The following CCDC39 variants were observed in gnomAD, a reference collection of about 807,000 sequenced individuals.
CCDC39 encodes the protein coiled-coil domain 39 molecular ruler complex subunit, also known as coiled-coil domain-containing protein 39.
Under a neutral mutation model 121.0 loss-of-function variants are expected in CCDC39, and 113 were observed. The observed-to-expected ratio is 0.93, with a 90% CI of 0.80 to 1.09. CCDC39 has a LOEUF of 1.09. Among genes scored for constraint, CCDC39 ranks in the 50% least tolerant of loss-of-function variants. CCDC39 has a pLI of 0.00. For missense variants in CCDC39, 1,063 were observed against 1,074.7 expected, an observed-to-expected ratio of 0.99 and a Z score of 0.15; for synonymous variants, 349 against 352.2, an observed-to-expected ratio of 0.99 and a Z score of 0.10.
At chr3:180,616,231 A>C (rs773667444) in intron 19 of CCDC39, 50 bp downstream of exon 19, 80 of 1,486,360 alleles carry the variant, frequency 5.4e-5, no homozygotes, top group Middle Eastern at 3.4e-4. Flanking sequence ...GGAATCACTT[A>C]GTGTACAGCT....
At chr3:180,627,796 G>T (rs1185648848) in intron 14 of CCDC39, among the ~76,000 whole-genome samples, 2 of 152,124 alleles carry the variant, frequency 1.3e-5, no homozygotes, top group Non-Finnish European at 2.9e-5. Context: ...CTTACTACAA[G>T]ACCAAAGACA....
chr3:180,644,140 T>C lies in CCDC39; in HGVS notation c.1645A>G (p.Lys549Glu), dbSNP rs1281193998. ...TGCACCTGCTTAAAACCTTTGGCTT[T>C]ATCAAGTTCTTTCTCTGATCTGTCG... ...FIDRSEKELD[K>E]AKGFKQDLMI... is the part of the protein sequence containing the mutation. The change falls in exon 12 of 20, where the codon AAA becomes GAA. Residue 549 changes from lysine to glutamate, a missense_variant. Physicochemically the swap from Lys to Glu is moderately conservative, Grantham distance 56. Coordinates refer to ENST00000476379, the MANE Select transcript of CCDC39 (RefSeq NM_181426.2). 11 of 1,545,750 alleles carry C rather than the reference T, an allele frequency of 7.1e-6. No homozygotes were observed. In the East Asian group the frequency reaches 2.7e-4, roughly 38 times the overall value.
intron 12 of CCDC39, among the ~76,000 whole-genome samples, chr3:180,642,640 A>G (rs1717982648): frequency 6.6e-6 from 1 of 150,504 alleles, no homozygotes; most frequent in Admixed American, 6.6e-5. Context: ...GAAACCCCAG[A>G]AAAAAACACT....
chr3:180,658,564 T>C (rs1220859594), intron 6 of CCDC39, among the ~76,000 whole-genome samples: 10 of 151,112 alleles, frequency 6.6e-5, no homozygotes, highest in African/African-American at 2.2e-4. Context: ...GTCACTGCAC[T>C]CCAGCCTTGG....
In CCDC39 at chr3:180,619,292, T is replaced by C; in HGVS notation, c.2232A>G (p.Gln744=). Residue 744 remains glutamine (Q), a synonymous_variant, in exon 16 of 20, where the codon CAA becomes CAG. Coordinates refer to ENST00000476379, the MANE Select transcript of CCDC39 (RefSeq NM_181426.2). ...RAVDEKYRYK[Q]RQIRELQEDI... ...CTTCTTGAAGTTCTCTGATTTGTCT[T>C]TGTTTGTATCTGTATTTTTCATCAA... 1 of 1,545,814 alleles carries C rather than the reference T, an allele frequency of 6.5e-7. No individual in the cohort carries two copies. The highest frequency in any genetic ancestry group is 2.0e-5 in the Admixed American group (1 of 50,980).
intron 1 of CCDC39, among the ~76,000 whole-genome samples, chr3:180,676,447 C>A (rs1299612122): frequency 6.6e-6 from 1 of 152,224 alleles, no homozygotes; most frequent in Non-Finnish European, 1.5e-5. Context: ...AATGAGATAT[C>A]ATCTCACACC....
At chr3:180,617,500 A>G (rs1199132640) in intron 16 of CCDC39, 5 of 673,276 alleles carry the variant, frequency 7.4e-6, no homozygotes, top group Non-Finnish European at 1.4e-5. Context: ...ACTGACCCTG[A>G]AGACCTTCAA....
chr3:180,667,039 G>GT (rs1007035004), intron 1 of CCDC39, among the ~76,000 whole-genome samples: 28 of 151,568 alleles, frequency 1.8e-4, no homozygotes, highest in African/African-American at 4.4e-4. Context: ...TACTTTCAGA[G>GT]TTTTTTTTTA....
At chr3:180,636,141 A>G (rs1404657054) in intron 13 of CCDC39, among the ~76,000 whole-genome samples, 2 of 152,196 alleles carry the variant, frequency 1.3e-5, no homozygotes, top group Non-Finnish European at 2.9e-5. Flanking sequence ...GAGCATCTAA[A>G]TAGGAAGAGA....
intron 8 of CCDC39, among the ~76,000 whole-genome samples, 189 bp downstream of exon 8, chr3:180,651,974 T>C (rs988877427): frequency 6.6e-6 from 1 of 151,896 alleles, no homozygotes; most frequent in African/African-American, 2.4e-5. Flanking sequence ...GAGGCGGAGC[T>C]TGCAGTGAGC....
intron 6 of CCDC39, 98 bp from the exon 7 acceptor site, chr3:180,655,051 T>C: frequency 2.7e-6 from 2 of 754,378 alleles, no homozygotes; most frequent in Non-Finnish European, 3.8e-6. Context: ...ATTTAGTACT[T>C]ATTTTACCAA....
chr3:180,630,022 C>T (rs114129958), intron 14 of CCDC39, among the ~76,000 whole-genome samples: 3 of 152,224 alleles, frequency 2.0e-5, no homozygotes, highest in Non-Finnish European at 4.4e-5. Context: ...TTTCTCCCAA[C>T]AAAAGTAACA....
chr3:180,621,210 A>G (rs1193696672), intron 14 of CCDC39, among the ~76,000 whole-genome samples: 2 of 152,154 alleles, frequency 1.3e-5, no homozygotes, highest in African/African-American at 4.8e-5. Flanking sequence ...TATTGTAAAC[A>G]GTGCTGCAAT....
chr3:180,660,611 T>G lies in CCDC39; in HGVS notation c.475A>C (p.Thr159Pro). Reference protein sequence around the residue: ...ESAHKDSDALTLQKYAQQDDN... With the variant: ...ESAHKDSDALPLQKYAQQDDN... Reference sequence around the variant, plus strand: ...TCTTGTTGTGCATACTTCTGGAGAGTGAGAGCATCACTATCTTTATGAGCT... The same window carrying G: ...TCTTGTTGTGCATACTTCTGGAGAGGGAGAGCATCACTATCTTTATGAGCT... The change falls in exon 4 of 20, where the codon ACT (threonine) becomes CCT (proline). Residue 159 changes from threonine to proline, a missense_variant. By Grantham distance (38) the Thr-to-Pro change is conservative. Transcript: ENST00000476379. The G allele has an allele frequency of 6.2e-7, 1 of 1,600,906 alleles. No homozygotes were observed. Among genetic ancestry groups the G allele is most frequent in the East Asian group, 2.2e-5 (1 of 44,692 alleles).
chr3:180,658,282 TA>T (rs111715766), intron 6 of CCDC39, among the ~76,000 whole-genome samples: 1,832 of 119,464 alleles, frequency 0.015, 9 homozygotes, highest in Middle Eastern at 0.038. Context: ...AGAACCTCCT[TA>T]AAAAAAAAAA....
Position 180,651,481 on chromosome 3 carries a change from T to C in CCDC39, c.1087A>G (p.Ile363Val). ...NEIIQTKLKE[I>V]TEKTMSVEEK... The stretch of plus-strand genomic sequence containing the variant: ...TCTACAGACATGGTTTTCTCAGTTA[T>C]CTCCTTTAATTTTGTTTGTATTATC... Residue 363 changes from isoleucine to valine, a missense_variant, in exon 9 of 20, where the codon ATA becomes GTA. By Grantham distance (29) the Ile-to-Val change is conservative. Coordinates refer to ENST00000476379, the MANE Select transcript of CCDC39 (RefSeq NM_181426.2). 2 of 1,545,476 alleles carry C rather than the reference T, an allele frequency of 1.3e-6. No homozygotes were observed. Among genetic ancestry groups the C allele is most frequent in the Non-Finnish European group, 1.8e-6 (2 of 1,142,852 alleles).
chr3:180,638,648 T>C (rs1717887417), intron 13 of CCDC39, among the ~76,000 whole-genome samples: 2 of 151,930 alleles, frequency 1.3e-5, no homozygotes, highest in Admixed American at 1.3e-4. Context: ...ATGTGAAAGA[T>C]GGGAAAAGGA....
intron 14 of CCDC39, among the ~76,000 whole-genome samples, chr3:180,623,819 A>T (rs1037497379): frequency 8.8e-5 from 13 of 147,626 alleles, no homozygotes; most frequent in African/African-American, 2.5e-4. Context: ...GTCTGAGAAG[A>T]TTTTTTTTTT....
intron 14 of CCDC39, among the ~76,000 whole-genome samples, chr3:180,628,577 TA>T (rs2108411379): frequency 6.6e-6 from 1 of 152,254 alleles, no homozygotes; most frequent in East Asian, 1.9e-4. Context: ...TAGAAACTAA[TA>T]AAAAGGGTCA....
Sources: allele counts gnomAD v4.1 joint callset (sites outside exome capture counted in the v4.1 genomes callset), GRCh38; gene constraint gnomAD v4.1.1; transcripts MANE v1.5; gene names NCBI Gene and HGNC (gene_info 2026-07-23, HGNC 2026-07-21).